ABCA13: variants seen among roughly 807,000 people sequenced by gnomAD.
The protein encoded by ABCA13 is ATP binding cassette subfamily A member 13, also known as ATP-binding cassette sub-family A member 13.
Under a neutral mutation model 478.7 loss-of-function variants are expected in ABCA13, and 476 were observed. That is an observed-to-expected ratio of 0.99 (90% CI 0.92 to 1.07). ABCA13 has a LOEUF of 1.07. Among genes scored for constraint, ABCA13 ranks in the 50% least tolerant of loss-of-function variants. The pLI, the probability that ABCA13 is intolerant of heterozygous loss-of-function variation, is 0.00. For synonymous variants in ABCA13, 2,252 were observed against 2,158.9 expected (o/e 1.04, Z -1.20); for missense variants, 6,060 against 5,910.6 (o/e 1.03, Z -0.83).
At chr7:48,635,600 A>G (rs1184814486) in intron 59 of ABCA13, among the ~76,000 whole-genome samples, 1 of 152,210 alleles carries the variant, frequency 6.6e-6, no homozygotes, top group Non-Finnish European at 1.5e-5. Flanking sequence ...AAAGGGCACC[A>G]TCACCTCTCA....
intron 43 of ABCA13, among the ~76,000 whole-genome samples, chr7:48,457,068 T>C (rs1248431454): frequency 6.6e-6 from 1 of 152,120 alleles, no homozygotes; most frequent in Non-Finnish European, 1.5e-5. Context: ...TAGGTGGTAG[T>C]TATATGTATA....
At chr7:48,462,216 C>T (rs1052214597) in intron 43 of ABCA13, among the ~76,000 whole-genome samples, 3 of 149,598 alleles carry the variant, frequency 2.0e-5, no homozygotes, top group African/African-American at 5.0e-5. Context: ...GCAGGTATTA[C>T]GGTATTATAA....
At chr7:48,231,168 T>TA (rs768172808) in intron 7 of ABCA13, among the ~76,000 whole-genome samples, 1,443 of 137,680 alleles carry the variant, frequency 0.01, 26 homozygotes, top group African/African-American at 0.034. Flanking sequence ...AACTTAAAGT[T>TA]AAAAAAAAAA....
intron 59 of ABCA13, among the ~76,000 whole-genome samples, chr7:48,626,442 G>A (rs1267274229): frequency 6.6e-6 from 1 of 152,156 alleles, no homozygotes; most frequent in African/African-American, 2.4e-5. Context: ...AATACAGGTG[G>A]AATCATGCGG....
At chr7:48,361,296 G>A (rs979903508) in intron 31 of ABCA13, among the ~76,000 whole-genome samples, 1 of 151,150 alleles carries the variant, frequency 6.6e-6, no homozygotes, top group Non-Finnish European at 1.5e-5. Flanking sequence ...GATCCTAGAA[G>A]AGAGAAATTA....
chr7:48,329,960 T>G (rs1257073429), intron 27 of ABCA13, among the ~76,000 whole-genome samples: 1 of 151,892 alleles, frequency 6.6e-6, no homozygotes, highest in Non-Finnish European at 1.5e-5. Context: ...CTTCTATCCA[T>G]CCATCTATCC....
intron 42 of ABCA13, among the ~76,000 whole-genome samples, chr7:48,438,572 CTTT>C (rs35140370): frequency 6.8e-6 from 1 of 147,304 alleles, no homozygotes; most frequent in Non-Finnish European, 1.5e-5. Context: ...CATACTCAGC[CTTT>C]TTTTTTTTCT....
chr7:48,597,266 A>G (rs1309835602), intron 58 of ABCA13, among the ~76,000 whole-genome samples: 1 of 152,146 alleles, frequency 6.6e-6, no homozygotes, highest in Non-Finnish European at 1.5e-5. Flanking sequence ...AACACTTTTA[A>G]AGGCTATCCA....
At chr7:48,480,513 G>A (rs560212059) in intron 45 of ABCA13, among the ~76,000 whole-genome samples, 1 of 152,324 alleles carries the variant, frequency 6.6e-6, no homozygotes, top group South Asian at 2.1e-4. Flanking sequence ...GCAGCCTCCA[G>A]TGGCCTGGGT....
intron 51 of ABCA13, 135 bp from the exon 52 acceptor site, chr7:48,516,590 A>T: frequency 1.2e-6 from 1 of 850,714 alleles, no homozygotes; most frequent in Non-Finnish European, 1.8e-6. Context: ...ATGGGGAAAA[A>T]CATAGTATAT....
intron 3 of ABCA13, among the ~76,000 whole-genome samples, chr7:48,199,969 A>G (rs1798441769): frequency 6.6e-6 from 1 of 152,236 alleles, no homozygotes; most frequent in African/African-American, 2.4e-5. Context: ...TGTTAAAGAC[A>G]AATATAGAAA....
intron 3 of ABCA13, among the ~76,000 whole-genome samples, chr7:48,202,218 T>G (rs1038958739): frequency 6.6e-6 from 1 of 152,202 alleles, no homozygotes; most frequent in African/African-American, 2.4e-5. Flanking sequence ...TTTATTCTTA[T>G]CTGGCCCCAC....
At chr7:48,422,055 C>CAAAAAAAAAAA (rs4022355) in intron 41 of ABCA13, among the ~76,000 whole-genome samples, 22 of 80,564 alleles carry the variant, frequency 2.7e-4, no homozygotes, top group Non-Finnish European at 3.3e-4. Flanking sequence ...GTCTTTCTTA[C>CAAAAAAAAAAA]AAAAAAAAAA....
chr7:48,231,654 A>AACT (rs1050848662), intron 7 of ABCA13, among the ~76,000 whole-genome samples: 6 of 139,702 alleles, frequency 4.3e-5, no homozygotes, highest in Non-Finnish European at 1.6e-5. Flanking sequence ...CAGTCTCCTG[A>AACT]ACTATTATTA....
intron 55 of ABCA13, among the ~76,000 whole-genome samples, chr7:48,558,083 A>G (rs1312256086): frequency 6.7e-6 from 1 of 150,184 alleles, no homozygotes; most frequent in East Asian, 1.9e-4. Flanking sequence ...TTATACTGTT[A>G]AGAGGCTCTG....
chr7:48,254,362 C>T (rs903230737), intron 15 of ABCA13, among the ~76,000 whole-genome samples: 1 of 152,068 alleles, frequency 6.6e-6, no homozygotes, highest in Non-Finnish European at 1.5e-5. Context: ...TTATGAGGCT[C>T]AAGTGATCCT....
intron 31 of ABCA13, among the ~76,000 whole-genome samples, chr7:48,356,531 G>T (rs1809952989): frequency 1.3e-5 from 2 of 151,804 alleles, no homozygotes; most frequent in African/African-American, 2.4e-5. Context: ...ACCTACTATA[G>T]GTGGGAACAT....
chr7:48,321,762 G>A (rs1803505020), intron 27 of ABCA13, among the ~76,000 whole-genome samples: 1 of 152,184 alleles, frequency 6.6e-6, no homozygotes, highest in Non-Finnish European at 1.5e-5. Context: ...TCAGAAAGCA[G>A]GAGCCGAGGT....
chr7:48,514,361 T>C (rs1250392044), intron 51 of ABCA13, among the ~76,000 whole-genome samples: 1 of 152,148 alleles, frequency 6.6e-6, no homozygotes. Context: ...GACCCAGTCT[T>C]TTGTAGTGGA....
Sources: allele counts gnomAD v4.1 joint callset (sites outside exome capture counted in the v4.1 genomes callset), GRCh38; gene constraint gnomAD v4.1.1; transcripts MANE v1.5; gene names NCBI Gene and HGNC (gene_info 2026-07-23, HGNC 2026-07-21).